KCNG3: variants seen among roughly 807,000 people sequenced by gnomAD.
The protein encoded by KCNG3 is potassium voltage-gated channel modifier subfamily G member 3, also known as voltage-gated potassium channel regulatory subunit KCNG3.
A neutral mutation model predicts 29.0 loss-of-function variants in KCNG3; 15 were observed. That is an observed-to-expected ratio of 0.52 (90% CI 0.35 to 0.80). KCNG3 has a LOEUF of 0.80. Ranked by LOEUF, KCNG3 falls within the 30% of genes least tolerant of loss-of-function variation. The pLI is 0.01. For synonymous variants in KCNG3, 322 were observed against 248.9 expected, an observed-to-expected ratio of 1.29 and a Z score of -2.76; for missense variants, 512 against 605.7, an observed-to-expected ratio of 0.85 and a Z score of 1.62.
Position 42,493,817 on chromosome 2 carries a change from G to C in KCNG3, c.-316C>G. 4.3e-6 allele frequency: 1 copy of C among 233,282 alleles called. No individual in the cohort carries two copies. The highest frequency in any genetic ancestry group is 8.5e-5 in the East Asian group (1 of 11,818). The allele number at this position is 233,282 out of a possible 1,614,324, so 14.5% of individuals were successfully genotyped here. ...GCCGACCCTCGCGCCCGAGGGCTGC[G>C]CACACCGAGGCCGCGGTGCCCTCTC... On this transcript the variant is annotated 5_prime_UTR_variant, in exon 1 of 2. Coordinates refer to ENST00000306078, the MANE Select transcript of KCNG3 (RefSeq NM_133329.6).
rs56251665 is a variant in KCNG3 at position 42,457,627 on chromosome 2, TCACACA to T, written c.666-13054_666-13049del. On this transcript the variant is annotated intron_variant, in intron 1 of 1. Coordinates refer to ENST00000306078, the MANE Select transcript of KCNG3 (RefSeq NM_133329.6). ...TTTGGGAGGCCGAGGCAGGCAGATC[TCACACA>T]CACACACACACACACACACACACAC... 2.7e-3 allele frequency among the ~76,000 whole-genome samples: 344 copies of T among 125,520 alleles called. 3 individuals are homozygous for T. Among genetic ancestry groups the T allele is most frequent in the African/African-American group, 8.1e-3 (272 of 33,488 alleles). The allele number at this position is 125,520 out of a possible 152,430, so 82.3% of individuals were successfully genotyped here. A position where few individuals can be genotyped will look rare whatever the true frequency, so the allele number is the denominator to read the frequency against.
intron 1 of KCNG3, among the ~76,000 whole-genome samples, chr2:42,477,105 T>C (rs1213308241): frequency 2.0e-5 from 3 of 147,948 alleles, no homozygotes; most frequent in Non-Finnish European, 4.5e-5. Context: ...GGCAGGAGAA[T>C]GGTGTGAACC....
the KCNG3 span, among the ~76,000 whole-genome samples, chr2:42,423,410 G>C: frequency 6.6e-6 from 1 of 152,140 alleles, no homozygotes; most frequent in Middle Eastern, 3.2e-3. Flanking sequence ...CCACCTTCTT[G>C]GCTGGCACAT....
intron 1 of KCNG3, among the ~76,000 whole-genome samples, chr2:42,447,831 T>A (rs998909773): frequency 2.0e-5 from 3 of 152,094 alleles, no homozygotes; most frequent in African/African-American, 4.8e-5. Context: ...GCCCAGCCAA[T>A]GCAATGAATA....
chr2:42,422,901 C>T, the KCNG3 span, among the ~76,000 whole-genome samples: 1 of 152,090 alleles, frequency 6.6e-6, no homozygotes, highest in African/African-American at 2.4e-5. Context: ...CCTTCAACCC[C>T]CTTTCCTCCT....
At chr2:42,422,688 A>C in the KCNG3 span, among the ~76,000 whole-genome samples, 1 of 152,268 alleles carries the variant, frequency 6.6e-6, no homozygotes, top group Admixed American at 6.5e-5. Flanking sequence ...CCATAGTAGG[A>C]GGGAAGAGCT....
chr2:42,409,302 C>G, the KCNG3 span, among the ~76,000 whole-genome samples: 3 of 152,250 alleles, frequency 2.0e-5, no homozygotes, highest in Admixed American at 1.3e-4. Flanking sequence ...TGCTGCCACC[C>G]AAATCAGCCT....
At chr2:42,454,490 T>A (rs1318159378) in intron 1 of KCNG3, among the ~76,000 whole-genome samples, 1 of 152,152 alleles carries the variant, frequency 6.6e-6, no homozygotes, top group Non-Finnish European at 1.5e-5. Flanking sequence ...GGCGGGCAGA[T>A]CACCTGAGGT....
intron 1 of KCNG3, among the ~76,000 whole-genome samples, chr2:42,448,873 G>C (rs1024841197): frequency 1.3e-5 from 2 of 152,178 alleles, no homozygotes; most frequent in South Asian, 2.1e-4. Context: ...AGCTACTTGG[G>C]AGGCTGAGGC....
downstream of KCNG3, among the ~76,000 whole-genome samples, chr2:42,437,241 T>C (rs1044566411): frequency 1.3e-5 from 2 of 152,198 alleles, no homozygotes; most frequent in African/African-American, 4.8e-5. Flanking sequence ...TTCTGATCTT[T>C]TTAAACAGGG....
At chr2:42,477,369 A>G (rs1673456267) in intron 1 of KCNG3, among the ~76,000 whole-genome samples, 1 of 127,094 alleles carries the variant, frequency 7.9e-6, no homozygotes, top group East Asian at 2.7e-4. Flanking sequence ...ATATACATAT[A>G]TATACACACA....
At chr2:42,409,720 AAAAAAAAAAT>A in the KCNG3 span, among the ~76,000 whole-genome samples, 19 of 147,480 alleles carry the variant, frequency 1.3e-4, 1 homozygote, top group East Asian at 4.0e-4. Flanking sequence ...AAAAAAAAAA[AAAAAAAAAAT>A]TTTTTTTTAA....
chr2:42,448,761 G>A (rs939911730), intron 1 of KCNG3, among the ~76,000 whole-genome samples: 5 of 152,084 alleles, frequency 3.3e-5, no homozygotes, highest in East Asian at 1.9e-4. Context: ...AGGCCGAAGC[G>A]GGCGGATCAT....
At chr2:42,435,044 T>C in the KCNG3 span, among the ~76,000 whole-genome samples, 7 of 152,336 alleles carry the variant, frequency 4.6e-5, no homozygotes, top group African/African-American at 1.7e-4. Context: ...GGCTCATGCC[T>C]GCAATCCTAG....
the KCNG3 span, among the ~76,000 whole-genome samples, chr2:42,392,456 T>C: frequency 6.6e-6 from 1 of 152,074 alleles, no homozygotes; most frequent in Non-Finnish European, 1.5e-5. Flanking sequence ...AATACAACAC[T>C]GTGGTGGTAG....
chr2:42,399,153 C>T, the KCNG3 span, among the ~76,000 whole-genome samples: 6 of 148,236 alleles, frequency 4.0e-5, no homozygotes, highest in African/African-American at 9.9e-5. Flanking sequence ...ACCTCCTGGG[C>T]TCAAGTGATC....
chr2:42,488,101 C>A (rs957128760), intron 1 of KCNG3, among the ~76,000 whole-genome samples: 1 of 152,128 alleles, frequency 6.6e-6, no homozygotes, highest in East Asian at 1.9e-4. Flanking sequence ...GGGAAAAGAA[C>A]TGAATGGCTG....
rs1673972843 is a variant in KCNG3 at position 42,493,525 on chromosome 2, G to C, written c.-24C>G. 1 of 1,340,872 alleles carries C rather than the reference G, an allele frequency of 7.5e-7. No individual in the cohort carries two copies. The highest frequency in any genetic ancestry group is 1.5e-5 in the African/African-American group (1 of 64,812). 83.1% of individuals were successfully genotyped at this position (1,340,872 alleles called of 1,614,324 possible). On this transcript the variant is annotated 5_prime_UTR_variant, in exon 1 of 2. Transcript: ENST00000306078. ...ATGGCTGGCCGCCCGGGGGACTTTC[G>C]GCCCGAGGGCCCCGCTGCAGCCCCC...
intron 1 of KCNG3, among the ~76,000 whole-genome samples, chr2:42,469,138 G>T (rs1425181403): frequency 1.3e-5 from 2 of 151,884 alleles, no homozygotes; most frequent in Non-Finnish European, 2.9e-5. Context: ...AGGATGGCAG[G>T]CCGGGCGCAG....
Sources: gnomAD v4.1 joint callset for allele counts (sites outside exome capture counted in the v4.1 genomes callset) on GRCh38, gnomAD v4.1.1 for gene constraint, MANE v1.5 for transcripts, NCBI Gene and HGNC (gene_info 2026-07-23, HGNC 2026-07-21) for gene names.